Variants in FANCB observed in about 807,000 individuals in gnomAD.
FANCB encodes the protein Fanconi anemia group B protein.
In FANCB, 5 loss-of-function variants were observed where a neutral mutation model predicts 38.9. The observed-to-expected ratio is 0.13, with a 90% CI of 0.07 to 0.27. The LOEUF is 0.27. Among genes scored for constraint, FANCB ranks in the 10% least tolerant of loss-of-function variants. FANCB has a pLI of 1.00. For synonymous variants in FANCB, 236 were observed against 215.4 expected (o/e 1.10, Z -0.84); for missense variants, 573 against 602.7 (o/e 0.95, Z 0.52).
the FANCB span, among the ~76,000 whole-genome samples, chrX:14,716,087 A>G: frequency 9.0e-5 from 10 of 111,289 alleles, no homozygotes; most frequent in African/African-American, 2.6e-4. Context: ...ACCCTGTCAG[A>G]AGGTCTCAGG....
At chrX:14,813,948 A>C in the FANCB span, among the ~76,000 whole-genome samples, 1 of 111,979 alleles carries the variant, frequency 8.9e-6, no homozygotes, top group Non-Finnish European at 1.9e-5. Context: ...ACAGTAACCA[A>C]AACAGCATGG....
the FANCB span, among the ~76,000 whole-genome samples, chrX:14,690,278 G>A: frequency 8.9e-6 from 1 of 111,819 alleles, no homozygotes; most frequent in African/African-American, 3.3e-5. Context: ...GTCTAATTAA[G>A]AGAATAATTA....
the FANCB span, among the ~76,000 whole-genome samples, chrX:14,795,815 GAAGA>G: frequency 8.9e-6 from 1 of 111,847 alleles, no homozygotes; most frequent in Admixed American, 9.6e-5. Context: ...TGAGTGCACA[GAAGA>G]AAGAGACATC....
the FANCB span, among the ~76,000 whole-genome samples, chrX:14,826,750 ATGT>A: frequency 3.6e-5 from 4 of 111,996 alleles, no homozygotes; most frequent in African/African-American, 9.7e-5. Flanking sequence ...CTTTTAACTT[ATGT>A]TGTTGTTTTT....
At chrX:14,711,967 C>T in the FANCB span, among the ~76,000 whole-genome samples, 14 of 112,620 alleles carry the variant, frequency 1.2e-4, no homozygotes, top group Admixed American at 1.2e-3. Context: ...AAATCTTCCG[C>T]GATTAAGATG....
the FANCB span, among the ~76,000 whole-genome samples, chrX:14,802,808 T>A: frequency 6.2e-5 from 7 of 112,058 alleles, no homozygotes; most frequent in African/African-American, 1.6e-4. Context: ...AAATAACATA[T>A]GAGGACAGAT....
chrX:14,837,571 T>C (rs922045867), intron 10 of FANCB, among the ~76,000 whole-genome samples: 1 of 112,223 alleles, frequency 8.9e-6, no homozygotes, highest in Non-Finnish European at 1.9e-5. Context: ...AACTTGCTCA[T>C]TACAGGATTT....
the FANCB span, among the ~76,000 whole-genome samples, chrX:14,788,048 G>A: frequency 2.8e-5 from 3 of 107,051 alleles, no homozygotes; most frequent in African/African-American, 6.8e-5. Context: ...TGGCTAGACT[G>A]TGTCAGAGGA....
the FANCB span, among the ~76,000 whole-genome samples, chrX:14,743,376 C>T: frequency 1.8e-5 from 2 of 111,325 alleles, no homozygotes; most frequent in Non-Finnish European, 3.8e-5. Context: ...AGTAACTTGC[C>T]TAGGGCACAC....
intron 8 of FANCB, 57 bp from the exon 9 acceptor site, chrX:14,844,797 A>G: frequency 8.7e-7 from 1 of 1,155,677 alleles, no homozygotes; most frequent in Non-Finnish European, 1.2e-6. Flanking sequence ...AGATAAACAG[A>G]ATTCTTAAAA....
the FANCB span, among the ~76,000 whole-genome samples, chrX:14,811,763 A>G: frequency 9.0e-6 from 1 of 111,335 alleles, no homozygotes; most frequent in Admixed American, 9.5e-5. Context: ...AACGAGACAG[A>G]AAGTTAACAA....
the FANCB span, among the ~76,000 whole-genome samples, chrX:14,754,884 CACA>C: frequency 2.7e-5 from 3 of 111,001 alleles, no homozygotes; most frequent in Non-Finnish European, 5.7e-5. Context: ...GAAAAGAATA[CACA>C]ACAACAATAA....
chrX:14,852,231 C>A (rs1446405509), intron 6 of FANCB, among the ~76,000 whole-genome samples: 1 of 106,425 alleles, frequency 9.4e-6, no homozygotes, highest in African/African-American at 3.5e-5. Context: ...TGCAATGGCG[C>A]GATCTCAGCT....
the FANCB span, among the ~76,000 whole-genome samples, chrX:14,822,404 C>G: frequency 4.6e-5 from 5 of 109,299 alleles, no homozygotes; most frequent in East Asian, 1.4e-3. Flanking sequence ...TTCATTTTGG[C>G]TTGTGGTCTT....
the FANCB span, among the ~76,000 whole-genome samples, chrX:14,814,895 T>C: frequency 5.4e-5 from 6 of 112,004 alleles, no homozygotes; most frequent in East Asian, 8.4e-4. Context: ...GCACTATTCA[T>C]AATAGCAAAG....
At chrX:14,723,994 T>G in the FANCB span, among the ~76,000 whole-genome samples, 2 of 111,919 alleles carry the variant, frequency 1.8e-5, no homozygotes, top group Non-Finnish European at 3.8e-5. Flanking sequence ...CCCCGGCACA[T>G]AGCACAGTGC....
the FANCB span, among the ~76,000 whole-genome samples, chrX:14,777,873 G>A: frequency 8.0e-5 from 9 of 111,828 alleles, no homozygotes; most frequent in Non-Finnish European, 1.9e-5. Flanking sequence ...AAAGCAGTAT[G>A]AATTCAAATC....
chrX:14,774,385 T>C, the FANCB span, among the ~76,000 whole-genome samples: 2 of 111,801 alleles, frequency 1.8e-5, no homozygotes, highest in Non-Finnish European at 3.8e-5. Context: ...AGTCCAGAAA[T>C]ATAAAATAGA....
the FANCB span, among the ~76,000 whole-genome samples, chrX:14,805,953 G>C: frequency 8.9e-6 from 1 of 112,060 alleles, no homozygotes; most frequent in Non-Finnish European, 1.9e-5. Context: ...GCTTCCCCTT[G>C]TTCTAAACAT....
Sources: allele counts gnomAD v4.1 joint callset (sites outside exome capture counted in the v4.1 genomes callset), GRCh38; gene constraint gnomAD v4.1.1; transcripts MANE v1.5; gene names NCBI Gene and HGNC (gene_info 2026-07-23, HGNC 2026-07-21).